HPSE2: variants seen among roughly 807,000 people sequenced by gnomAD.
HPSE2 encodes inactive heparanase-2.
Under a neutral mutation model 60.5 loss-of-function variants are expected in HPSE2, and 38 were observed. The observed-to-expected ratio is 0.63, with a 90% CI of 0.48 to 0.82. The LOEUF (loss-of-function observed/expected upper bound fraction) is 0.82, where lower values mean the gene tolerates loss of function less well. HPSE2 is among the 40% of genes least tolerant of loss of function. The pLI, the probability that HPSE2 is intolerant of heterozygous loss-of-function variation, is 0.00. For synonymous variants in HPSE2, 295 were observed against 293.2 expected (o/e 1.01, Z -0.06); for missense variants, 713 against 740.4 (o/e 0.96, Z 0.43).
intron 9 of HPSE2, among the ~76,000 whole-genome samples, chr10:98,556,781 A>G (rs956970230): frequency 5.3e-5 from 8 of 152,258 alleles, no homozygotes; most frequent in African/African-American, 1.9e-4. Flanking sequence ...GAATTTCAGC[A>G]GGTTCTTGTG....
chr10:98,888,878 T>G (rs1953248449), intron 3 of HPSE2, among the ~76,000 whole-genome samples: 1 of 152,166 alleles, frequency 6.6e-6, no homozygotes, highest in Non-Finnish European at 1.5e-5. Flanking sequence ...AACTAGTAAT[T>G]TAGTCCTACA....
chr10:98,687,066 T>C (rs922693227), intron 6 of HPSE2, among the ~76,000 whole-genome samples: 1 of 151,940 alleles, frequency 6.6e-6, no homozygotes, highest in African/African-American at 2.4e-5. Flanking sequence ...TTTGTTGTTA[T>C]TTTTTTTCTT....
chr10:98,857,541 A>G (rs1171286160), intron 3 of HPSE2, among the ~76,000 whole-genome samples: 3 of 152,172 alleles, frequency 2.0e-5, no homozygotes, highest in African/African-American at 4.8e-5. Context: ...ACAACATAAA[A>G]ATGAGGTTTT....
chr10:98,724,063 T>C (rs1192776001), intron 4 of HPSE2, among the ~76,000 whole-genome samples: 1 of 152,194 alleles, frequency 6.6e-6, no homozygotes, highest in Non-Finnish European at 1.5e-5. Flanking sequence ...TGTTAGGGTG[T>C]CAATTTTAGA....
At chr10:99,178,108 C>T (rs916108297) in intron 2 of HPSE2, among the ~76,000 whole-genome samples, 1 of 151,898 alleles carries the variant, frequency 6.6e-6, no homozygotes. Context: ...CTCTGGGACA[C>T]AGCTAAAGCA....
At chr10:98,956,216 C>T (rs972499314) in intron 3 of HPSE2, among the ~76,000 whole-genome samples, 1 of 151,896 alleles carries the variant, frequency 6.6e-6, no homozygotes, top group African/African-American at 2.4e-5. Flanking sequence ...GAGGACTCTT[C>T]CCACAAAGCT....
At chr10:98,539,310 T>C (rs1589386528) in intron 9 of HPSE2, among the ~76,000 whole-genome samples, 1 of 151,880 alleles carries the variant, frequency 6.6e-6, no homozygotes, top group Non-Finnish European at 1.5e-5. Context: ...TCACCTGAGG[T>C]TGGGAGTTCG....
intron 3 of HPSE2, among the ~76,000 whole-genome samples, chr10:99,069,196 T>C (rs1363061971): frequency 6.6e-6 from 1 of 152,128 alleles, no homozygotes; most frequent in African/African-American, 2.4e-5. Context: ...TTCTCATAAG[T>C]CTGAGTTTCT....
At chr10:98,468,681 T>C (rs1940656515) in intron 11 of HPSE2, among the ~76,000 whole-genome samples, 1 of 152,192 alleles carries the variant, frequency 6.6e-6, no homozygotes, top group Admixed American at 6.5e-5. Flanking sequence ...TTTTTGTCCA[T>C]GATAGCTGTT....
In HPSE2 at chr10:99,119,092, A is replaced by AAAGGGAGG. The variant is rs1338935788; in HGVS notation, c.610+25145_610+25146insCCTCCCTT. Among the ~76,000 whole-genome samples, 197 of 41,670 alleles carry AAAGGGAGG rather than the reference A, an allele frequency of 4.7e-3. 2 individuals are homozygous for AAAGGGAGG. The East Asian group carries it at 0.17, about 35-fold the overall frequency. 27.3% of individuals were successfully genotyped at this position (41,670 alleles called of 152,430 possible). Reference sequence around the variant, plus strand: ...GAAAGAAAGAAAGAGAAAGAAAGAGAGAGAGAGGGAGGGAGGGAGGGAGGG... The same window carrying AAAGGGAGG: ...GAAAGAAAGAAAGAGAAAGAAAGAGAAAGGGAGGGAGAGAGGGAGGGAGGGAGGGAGGG... On this transcript the variant is annotated intron_variant, in intron 3 of 11. Coordinates refer to ENST00000370552, the MANE Select transcript of HPSE2 (RefSeq NM_021828.5).
At chr10:98,811,417 C>T (rs567443235) in intron 3 of HPSE2, among the ~76,000 whole-genome samples, 2 of 152,200 alleles carry the variant, frequency 1.3e-5, no homozygotes, top group South Asian at 2.1e-4. Flanking sequence ...ATGCTGTATA[C>T]AGAGTAGGTG....
rs267606864 is a variant in HPSE2, at chr10:98,490,103, G to C, written c.1414C>G (p.Arg472Gly). 1.9e-6 allele frequency: 3 copies of C among 1,614,192 alleles called. No homozygotes were observed. The change falls in exon 10 of 12, where the codon CGA becomes GGA. Residue 472 changes from arginine (R) to glycine (G), a missense_variant. By Grantham distance (125) the Arg-to-Gly change is moderately radical. Transcript: ENST00000370552. ...AGLQRKPRPGRVIRDKLRIYA... is the reference protein window; with the variant it reads ...AGLQRKPRPGGVIRDKLRIYA... ...ATCCTTAGTTTGTCCCGGATCACTCGGCCAGGCCGTGGCTTCCGCTGGAGC... is the reference window on the plus strand; with the variant it reads ...ATCCTTAGTTTGTCCCGGATCACTCCGCCAGGCCGTGGCTTCCGCTGGAGC...
At chr10:99,134,122 C>T (rs1485968949) in intron 3 of HPSE2, among the ~76,000 whole-genome samples, 4 of 152,074 alleles carry the variant, frequency 2.6e-5, no homozygotes, top group African/African-American at 9.7e-5. Flanking sequence ...GAAAGGGTAT[C>T]AGTAATTGAA....
At chr10:99,255,055 A>AT in the HPSE2 span, among the ~76,000 whole-genome samples, 1 of 152,146 alleles carries the variant, frequency 6.6e-6, no homozygotes, top group South Asian at 2.1e-4. Context: ...AAATCAGTAA[A>AT]TTTTGTGCTA....
At chr10:98,538,468 C>G (rs999431231) in intron 9 of HPSE2, among the ~76,000 whole-genome samples, 1 of 152,096 alleles carries the variant, frequency 6.6e-6, no homozygotes, top group Non-Finnish European at 1.5e-5. Flanking sequence ...CTTGAAGCAG[C>G]TAAGAGCAAA....
intron 3 of HPSE2, among the ~76,000 whole-genome samples, chr10:99,048,581 A>C (rs1244795403): frequency 6.6e-6 from 1 of 152,106 alleles, no homozygotes; most frequent in Non-Finnish European, 1.5e-5. Context: ...AAAAAACAAG[A>C]TATATTGGTG....
At chr10:99,013,662 G>T in intron 3 of HPSE2, 1 of 219,186 alleles carries the variant, frequency 4.6e-6, no homozygotes. Context: ...AGTAGAGACG[G>T]GCCTTCACCA....
chr10:99,043,156 C>T (rs1326986685), intron 3 of HPSE2, among the ~76,000 whole-genome samples: 1 of 152,194 alleles, frequency 6.6e-6, no homozygotes, highest in East Asian at 1.9e-4. Context: ...CCCCTTCCCT[C>T]CAAATAAGTT....
intron 2 of HPSE2, among the ~76,000 whole-genome samples, chr10:99,165,634 C>A (rs1181940149): frequency 6.6e-6 from 1 of 151,390 alleles, no homozygotes; most frequent in Non-Finnish European, 1.5e-5. Flanking sequence ...GCAACCTCCA[C>A]CTCCTGGGTT....
Sources: allele counts gnomAD v4.1 joint callset (sites outside exome capture counted in the v4.1 genomes callset), GRCh38; gene constraint gnomAD v4.1.1; transcripts MANE v1.5; gene names NCBI Gene and HGNC (gene_info 2026-07-23, HGNC 2026-07-21).